RSRC1: variants seen among roughly 807,000 people sequenced by gnomAD.
RSRC1 encodes the protein arginine and serine rich coiled-coil 1.
RSRC1 carries 39 observed loss-of-function variants against 49.1 expected under a neutral mutation model. The ratio of observed to expected loss-of-function variants is 0.79; its 90% confidence interval spans 0.61 to 1.04. The LOEUF is 1.04. Ranked by LOEUF, RSRC1 falls within the 50% of genes least tolerant of loss-of-function variation. RSRC1 has a pLI of 0.00. For missense variants in RSRC1, 388 were observed against 402.4 expected (o/e 0.96, Z 0.31); for synonymous variants, 143 against 130.8 (o/e 1.09, Z -0.63).
chr3:158,526,216 G>T (rs1712013410), intron 7 of RSRC1, among the ~76,000 whole-genome samples: 1 of 151,744 alleles, frequency 6.6e-6, no homozygotes, highest in South Asian at 2.1e-4. Context: ...CTGTTTAAAG[G>T]ATCAAAGTTG....
chr3:158,186,060 T>G (rs1719909154), intron 3 of RSRC1, among the ~76,000 whole-genome samples: 1 of 151,980 alleles, frequency 6.6e-6, no homozygotes, highest in South Asian at 2.1e-4. Flanking sequence ...CCATTTATGA[T>G]TTTTTTCAAA....
intron 7 of RSRC1, among the ~76,000 whole-genome samples, chr3:158,527,026 T>C (rs1712074873): frequency 6.6e-6 from 1 of 151,234 alleles, no homozygotes; most frequent in Non-Finnish European, 1.5e-5. Flanking sequence ...AAAGATTAAT[T>C]CAAGTCAGTC....
intron 6 of RSRC1, among the ~76,000 whole-genome samples, chr3:158,427,498 C>CA (rs1341000232): frequency 6.6e-6 from 1 of 151,506 alleles, no homozygotes; most frequent in African/African-American, 2.4e-5. Flanking sequence ...TAAGTATAGC[C>CA]AAAAAACCTT....
chr3:158,481,128 TG>T (rs1376850657), intron 7 of RSRC1, among the ~76,000 whole-genome samples: 1 of 152,084 alleles, frequency 6.6e-6, no homozygotes, highest in African/African-American at 2.4e-5. Context: ...TAGGAAGTAG[TG>T]TCGTTTATAT....
intron 7 of RSRC1, among the ~76,000 whole-genome samples, chr3:158,510,644 G>A (rs904972009): frequency 6.6e-6 from 1 of 152,012 alleles, no homozygotes; most frequent in African/African-American, 2.4e-5. Context: ...TTTATCCTAT[G>A]TGTTATAAAC....
intron 5 of RSRC1, among the ~76,000 whole-genome samples, chr3:158,300,051 T>C (rs1380698923): frequency 6.6e-6 from 1 of 152,226 alleles, no homozygotes; most frequent in African/African-American, 2.4e-5. Flanking sequence ...TAATTGTATA[T>C]TAATTATTCT....
chr3:158,142,691 G>A (rs1716822161), intron 3 of RSRC1, among the ~76,000 whole-genome samples: 1 of 152,128 alleles, frequency 6.6e-6, no homozygotes. Flanking sequence ...GATCTCCGTA[G>A]AACTCACTAT....
chr3:158,453,959 ACTATT>A (rs1737186439), intron 6 of RSRC1, among the ~76,000 whole-genome samples: 1 of 151,978 alleles, frequency 6.6e-6, no homozygotes, highest in Non-Finnish European at 1.5e-5. Flanking sequence ...TTAAATATAA[ACTATT>A]CTTTTCTTTC....
chr3:158,255,384 G>A (rs956438584), intron 4 of RSRC1, among the ~76,000 whole-genome samples: 12 of 152,266 alleles, frequency 7.9e-5, no homozygotes, highest in African/African-American at 1.9e-4. Context: ...TAGATGTGTT[G>A]TGTTATTTCT....
intron 4 of RSRC1, chr3:158,276,421 T>C (rs1725820872): frequency 1.1e-5 from 8 of 737,298 alleles, no homozygotes; most frequent in Non-Finnish European, 1.7e-5. Flanking sequence ...TATGCACCCA[T>C]CTTGGCTTAC....
At chr3:158,187,936 A>AT (rs1317280387) in intron 3 of RSRC1, among the ~76,000 whole-genome samples, 3 of 151,920 alleles carry the variant, frequency 2.0e-5, no homozygotes, top group South Asian at 2.1e-4. Context: ...GGTTCAAATA[A>AT]TTTTTTTAAC....
chr3:158,518,404 C>A (rs1740721530), intron 7 of RSRC1, among the ~76,000 whole-genome samples: 1 of 147,150 alleles, frequency 6.8e-6, no homozygotes, highest in Non-Finnish European at 1.5e-5. Flanking sequence ...GATTCAATTT[C>A]TTTATGGGTT....
intron 4 of RSRC1, among the ~76,000 whole-genome samples, chr3:158,296,134 G>A (rs865454): frequency 0.39 from 59,016 of 151,750 alleles, 12,349 homozygotes; most frequent in East Asian, 0.65. Context: ...GATCATTTTC[G>A]TTCTTTATAT....
chr3:158,493,073 A>T (rs1306629192), intron 7 of RSRC1, among the ~76,000 whole-genome samples: 1 of 152,168 alleles, frequency 6.6e-6, no homozygotes, highest in African/African-American at 2.4e-5. Context: ...ATTTTAATTA[A>T]CTCTACTGGA....
At chr3:158,269,672 C>T (rs941096829) in intron 4 of RSRC1, among the ~76,000 whole-genome samples, 1 of 152,030 alleles carries the variant, frequency 6.6e-6, no homozygotes, top group Non-Finnish European at 1.5e-5. Flanking sequence ...GCCACCATGC[C>T]CAGCTAATTT....
intron 4 of RSRC1, among the ~76,000 whole-genome samples, chr3:158,246,884 C>T (rs2108005204): frequency 6.6e-6 from 1 of 152,094 alleles, no homozygotes; most frequent in South Asian, 2.1e-4. Flanking sequence ...TGGAGAAGTT[C>T]TGTGGGGTTC....
At chr3:158,136,085 C>G (rs1716353456) in intron 3 of RSRC1, among the ~76,000 whole-genome samples, 1 of 152,140 alleles carries the variant, frequency 6.6e-6, no homozygotes, top group Non-Finnish European at 1.5e-5. Context: ...ACTTAATTTG[C>G]ATTTCTACCA....
intron 4 of RSRC1, chr3:158,275,980 G>A (rs1725786797): frequency 2.6e-6 from 2 of 775,480 alleles, no homozygotes; most frequent in African/African-American, 1.7e-5. Context: ...TGATCCATGG[G>A]TGTCAGGATT....
intron 3 of RSRC1, among the ~76,000 whole-genome samples, chr3:158,153,192 A>G (rs1042822208): frequency 1.3e-5 from 2 of 152,172 alleles, no homozygotes; most frequent in Admixed American, 6.6e-5. Flanking sequence ...CTAACTATGT[A>G]GCTTAAATCT....
Sources: gnomAD v4.1 joint callset for allele counts (sites outside exome capture counted in the v4.1 genomes callset) on GRCh38, gnomAD v4.1.1 for gene constraint, MANE v1.5 for transcripts, NCBI Gene and HGNC (gene_info 2026-07-23, HGNC 2026-07-21) for gene names.